DMD: variants seen among roughly 807,000 people sequenced by gnomAD.
The protein encoded by DMD is mutant dystrophin.
DMD carries 63 observed loss-of-function variants against 330.1 expected under a neutral mutation model. The ratio of observed to expected loss-of-function variants is 0.19; its 90% CI spans 0.16 to 0.24. The LOEUF is 0.24. DMD is among the 10% of genes least tolerant of loss of function. The probability of loss-of-function intolerance (pLI) is 1.00; values close to 1 mark genes in which losing one functional copy is unlikely to be tolerated. For missense variants in DMD, 3,344 were observed against 2,684.1 expected (o/e 1.25, Z -5.43); for synonymous variants, 1,223 against 959.8 (o/e 1.27, Z -5.07).
intron 47 of DMD, among the ~76,000 whole-genome samples, chrX:31,915,421 T>C (rs1211683465): frequency 8.9e-6 from 1 of 111,839 alleles, no homozygotes; most frequent in Non-Finnish European, 1.9e-5. Flanking sequence ...GTTTGAAACA[T>C]GGAAACTTGG....
chrX:31,445,815 A>G (rs1217083853), intron 59 of DMD, among the ~76,000 whole-genome samples: 1 of 111,906 alleles, frequency 8.9e-6, no homozygotes, highest in African/African-American at 3.2e-5. Context: ...CACGCCTCAT[A>G]TCTACCCTAT....
chrX:31,277,046 C>CT (rs756619605), intron 62 of DMD, among the ~76,000 whole-genome samples: 1 of 109,095 alleles, frequency 9.2e-6, no homozygotes, highest in African/African-American at 3.3e-5. Context: ...GCCATTTTTT[C>CT]TTTTTTTTTA....
intron 1 of DMD, among the ~76,000 whole-genome samples, chrX:33,249,370 C>T (rs1236265998): frequency 4.5e-5 from 5 of 111,380 alleles, no homozygotes; most frequent in African/African-American, 9.8e-5. Context: ...AGGCTGGTCT[C>T]GAACTCCTGA....
At chrX:33,010,752 C>T (rs1212930672) in intron 2 of DMD, among the ~76,000 whole-genome samples, 1 of 110,555 alleles carries the variant, frequency 9.0e-6, no homozygotes, top group African/African-American at 3.3e-5. Context: ...AAGGTCATTC[C>T]CCTTTGAGGG....
intron 44 of DMD, among the ~76,000 whole-genome samples, chrX:31,988,276 A>T (rs1359760626): frequency 1.2e-4 from 13 of 109,115 alleles, no homozygotes; most frequent in African/African-American, 4.3e-4. Flanking sequence ...ATCGAGAACA[A>T]CCTGGCTAAC....
chrX:33,328,690 A>G (rs986699338), intron 1 of DMD, among the ~76,000 whole-genome samples: 6 of 111,461 alleles, frequency 5.4e-5, no homozygotes, highest in Non-Finnish European at 1.1e-4. Context: ...TAAAGACCCT[A>G]CATGGTTTAC....
intron 2 of DMD, among the ~76,000 whole-genome samples, chrX:32,962,725 G>A (rs780337944): frequency 1.3e-4 from 14 of 111,805 alleles, no homozygotes; most frequent in Non-Finnish European, 2.6e-4. Flanking sequence ...TTACTGATCT[G>A]GCTTAATAAT....
intron 1 of DMD, among the ~76,000 whole-genome samples, chrX:33,162,534 A>G (rs1283245733): frequency 1.8e-5 from 2 of 111,816 alleles, no homozygotes; most frequent in African/African-American, 6.5e-5. Context: ...ATGGGAATTG[A>G]CAAAAAGGGA....
At chrX:31,505,769 G>A (rs1372182135) in intron 56 of DMD, among the ~76,000 whole-genome samples, 3 of 111,154 alleles carry the variant, frequency 2.7e-5, no homozygotes, top group African/African-American at 9.8e-5. Flanking sequence ...GAGTAGCTGG[G>A]ACTACAGGCG....
intron 29 of DMD, among the ~76,000 whole-genome samples, chrX:32,430,927 T>C (rs925907882): frequency 3.6e-5 from 4 of 112,007 alleles, no homozygotes; most frequent in Non-Finnish European, 7.5e-5. Context: ...TTTCATTGTA[T>C]GTATATATCA....
intron 74 of DMD, among the ~76,000 whole-genome samples, chrX:31,160,224 T>TA (rs1036659525): frequency 1.8e-5 from 2 of 111,558 alleles, no homozygotes; most frequent in African/African-American, 6.5e-5. Context: ...AGCCAAGTTA[T>TA]TCGGTGGGAT....
intron 76 of DMD, among the ~76,000 whole-genome samples, chrX:31,142,578 G>C (rs1342370726): frequency 1.8e-5 from 2 of 112,314 alleles, no homozygotes; most frequent in African/African-American, 6.5e-5. Flanking sequence ...GAGCCATTAT[G>C]TCATAAACCT....
chrX:32,676,576 T>C (rs2061985269), intron 9 of DMD, among the ~76,000 whole-genome samples: 1 of 111,260 alleles, frequency 9.0e-6, no homozygotes, highest in African/African-American at 3.3e-5. Context: ...GTTTGGAGAT[T>C]GTGTTAGCGG....
intron 2 of DMD, among the ~76,000 whole-genome samples, chrX:32,978,468 A>T (rs1452926199): frequency 8.9e-6 from 1 of 111,963 alleles, no homozygotes; most frequent in Non-Finnish European, 1.9e-5. Flanking sequence ...ATGGATTTTT[A>T]AAAATTTATC....
At chrX:32,769,370 C>T (rs768850923) in intron 7 of DMD, among the ~76,000 whole-genome samples, 5 of 110,876 alleles carry the variant, frequency 4.5e-5, no homozygotes, top group Admixed American at 9.6e-5. Context: ...GAAAACAGCA[C>T]GGGAAAGACC....
chrX:32,876,261 T>C (rs1326005328), intron 2 of DMD, among the ~76,000 whole-genome samples: 2 of 112,183 alleles, frequency 1.8e-5, no homozygotes, highest in Non-Finnish European at 3.8e-5. Context: ...TCAATACTGA[T>C]ATCCCTGTTG....
At chrX:32,940,665 A>G (rs192959700) in intron 2 of DMD, among the ~76,000 whole-genome samples, 16 of 111,933 alleles carry the variant, frequency 1.4e-4, no homozygotes, top group Admixed American at 7.6e-4. Flanking sequence ...AAGATGATTA[A>G]AGATTTAAAT....
intron 60 of DMD, among the ~76,000 whole-genome samples, chrX:31,367,316 C>A (rs1007983239): frequency 2.7e-5 from 3 of 110,718 alleles, no homozygotes; most frequent in Non-Finnish European, 5.7e-5. Flanking sequence ...TTGTATAGTG[C>A]CTAAGATTTT....
At chrX:32,221,786 C>T (rs1025544841) in intron 43 of DMD, among the ~76,000 whole-genome samples, 1 of 111,782 alleles carries the variant, frequency 8.9e-6, no homozygotes, top group African/African-American at 3.3e-5. Context: ...GTAGCTCCCA[C>T]TTATAAGTGA....
Sources: allele counts gnomAD v4.1 joint callset (sites outside exome capture counted in the v4.1 genomes callset), GRCh38; gene constraint gnomAD v4.1.1; transcripts MANE v1.5; gene names NCBI Gene and HGNC (gene_info 2026-07-23, HGNC 2026-07-21).